The following SLC16A12 variants were observed in gnomAD, a reference collection of about 807,000 sequenced individuals.
The protein encoded by SLC16A12 is solute carrier family 16 member 12.
A neutral mutation model predicts 42.4 loss-of-function variants in SLC16A12; 17 were observed. That is an observed-to-expected ratio of 0.40 (90% CI 0.27 to 0.60). The LOEUF (loss-of-function observed/expected upper bound fraction) is 0.60, where lower values mean the gene tolerates loss of function less well. SLC16A12 is among the 20% of genes least tolerant of loss of function. The probability of loss-of-function intolerance (pLI) is 0.42; values close to 1 mark genes in which losing one functional copy is unlikely to be tolerated. For synonymous variants in SLC16A12, 224 were observed against 229.4 expected (o/e 0.98, Z 0.21); for missense variants, 544 against 623.0 (o/e 0.87, Z 1.35).
intron 2 of SLC16A12, among the ~76,000 whole-genome samples, chr10:89,490,149 A>G (rs919146420): frequency 6.6e-6 from 1 of 152,254 alleles, no homozygotes; most frequent in African/African-American, 2.4e-5. Context: ...AAATGAGTCA[A>G]AGATGGATGA....
At chr10:89,536,117 C>T (rs1843656487), upstream of SLC16A12, among the ~76,000 whole-genome samples, 1 of 152,180 alleles carries the variant, frequency 6.6e-6, no homozygotes, top group South Asian at 2.1e-4. Flanking sequence ...ACTGCCGGAC[C>T]CTCCCCGGGA....
At chr10:89,487,055 G>A (rs541306484) in intron 2 of SLC16A12, among the ~76,000 whole-genome samples, 13 of 152,138 alleles carry the variant, frequency 8.5e-5, no homozygotes, top group Non-Finnish European at 1.3e-4. Flanking sequence ...TCAAAAGGAC[G>A]ATCCCCAGCA....
At chr10:89,509,070 C>T (rs1258823083) in intron 2 of SLC16A12, among the ~76,000 whole-genome samples, 2 of 152,048 alleles carry the variant, frequency 1.3e-5, no homozygotes, top group African/African-American at 4.8e-5. Context: ...CTAAATAGAC[C>T]AATAACAGGC....
chr10:89,435,888 AC>A (rs1413792921), intron 7 of SLC16A12, among the ~76,000 whole-genome samples, 171 bp downstream of exon 7: 1 of 152,298 alleles, frequency 6.6e-6, no homozygotes, highest in East Asian at 1.9e-4. Flanking sequence ...AGATTATAAA[AC>A]AAGGATGTAG....
At chr10:89,500,255 A>G (rs1842975346) in intron 2 of SLC16A12, among the ~76,000 whole-genome samples, 1 of 152,196 alleles carries the variant, frequency 6.6e-6, no homozygotes, top group African/African-American at 2.4e-5. Flanking sequence ...ATTCCACAAG[A>G]TAGAGAAATA....
chr10:89,473,341 G>A (rs114749365), intron 2 of SLC16A12, among the ~76,000 whole-genome samples: 127 of 152,260 alleles, frequency 8.3e-4, no homozygotes, highest in African/African-American at 2.9e-3. Flanking sequence ...TTCAGATACA[G>A]ACCTACACAT....
chr10:89,488,247 G>C (rs1466317875), intron 2 of SLC16A12, among the ~76,000 whole-genome samples: 1 of 151,784 alleles, frequency 6.6e-6, no homozygotes, highest in Non-Finnish European at 1.5e-5. Context: ...TTTTTTAAAA[G>C]ATCCATCAAA....
intron 2 of SLC16A12, among the ~76,000 whole-genome samples, chr10:89,482,092 A>G (rs1842673305): frequency 6.6e-6 from 1 of 152,180 alleles, no homozygotes; most frequent in African/African-American, 2.4e-5. Flanking sequence ...ATTTCGAAAA[A>G]TAATTAATCA....
At chr10:89,487,646 CAAAA>C (rs761297191) in intron 2 of SLC16A12, among the ~76,000 whole-genome samples, 1 of 106,354 alleles carries the variant, frequency 9.4e-6, no homozygotes, top group Non-Finnish European at 2.1e-5. Context: ...ACTAAAAATA[CAAAA>C]AAAAAAAAAA....
rs551543307 is a variant in SLC16A12, at chr10:89,469,956, G to A, written c.-46-7332C>T. 3.2e-4 allele frequency among the ~76,000 whole-genome samples: 49 copies of A among 152,296 alleles called. 1 individual carries two copies. Among genetic ancestry groups the A allele is most frequent in the African/African-American group, 9.9e-4 (41 of 41,554 alleles). ...CTCTTTGTTATTGCTTAAGAATCAT[G>A]AAATTTGCCAGTCTCCTTTTTTTAG... On this transcript the variant is annotated intron_variant, in intron 2 of 7. Coordinates refer to ENST00000371790, the MANE Select transcript of SLC16A12 (RefSeq NM_213606.4).
chr10:89,518,188 C>G (rs1312094718), intron 2 of SLC16A12, among the ~76,000 whole-genome samples: 1 of 152,250 alleles, frequency 6.6e-6, no homozygotes, highest in Non-Finnish European at 1.5e-5. Context: ...TGGTAAGGAG[C>G]TCTGTTCTCT....
At chr10:89,526,027 G>C (rs920438364) in intron 2 of SLC16A12, among the ~76,000 whole-genome samples, 1 of 152,168 alleles carries the variant, frequency 6.6e-6, no homozygotes, top group East Asian at 1.9e-4. Context: ...CAACCTGCAT[G>C]TAGAAGGGGC....
chr10:89,522,513 G>T (rs1353721792), intron 2 of SLC16A12, among the ~76,000 whole-genome samples: 1 of 152,204 alleles, frequency 6.6e-6, no homozygotes, highest in Non-Finnish European at 1.5e-5. Flanking sequence ...AGTTTTACTA[G>T]AGGAAATCTC....
At chr10:89,444,330 T>C (rs577037025) in intron 3 of SLC16A12, among the ~76,000 whole-genome samples, 5 of 152,154 alleles carry the variant, frequency 3.3e-5, no homozygotes, top group African/African-American at 9.7e-5. Context: ...TAAAATTATA[T>C]ATATGTGTAT....
chr10:89,430,421 TTAGA>T lies in SLC16A12; in HGVS notation c.*2639_*2642del. 2 of 293,050 alleles carry T rather than the reference TTAGA, an allele frequency of 6.8e-6. No homozygotes were observed. The highest frequency in any genetic ancestry group is 1.3e-5 in the Non-Finnish European group (2 of 150,110). 18.2% of individuals were successfully genotyped at this position (293,050 alleles called of 1,614,324 possible). On this transcript the variant is annotated 3_prime_UTR_variant, in exon 8 of 8. Transcript: ENST00000371790. ...CCAATCATACAGTGTATCTACAAAG[TTAGA>T]TAATGTCTTCTGATTTTCTACTCAG... is the stretch of plus-strand genomic sequence containing the variant.
chr10:89,497,346 G>A (rs77031078), intron 2 of SLC16A12, among the ~76,000 whole-genome samples: 5,892 of 152,104 alleles, frequency 0.039, 379 homozygotes, highest in African/African-American at 0.13. Flanking sequence ...AAAAAATACA[G>A]GTAGAAACAA....
intron 3 of SLC16A12, among the ~76,000 whole-genome samples, chr10:89,459,905 C>T (rs533164050): frequency 6.6e-6 from 1 of 152,234 alleles, no homozygotes; most frequent in Non-Finnish European, 1.5e-5. Context: ...CACGCCACTG[C>T]ACTTCCGCCT....
In SLC16A12 at chr10:89,439,072, G is replaced by T; in HGVS notation, c.560C>A (p.Thr187Asn). 3.1e-6 allele frequency: 5 copies of T among 1,613,388 alleles called. No homozygotes were observed. The highest frequency in any genetic ancestry group is 4.2e-6 in the Non-Finnish European group (5 of 1,179,658). The change falls in exon 6 of 8, where the codon ACC becomes AAC. Residue 187 changes from threonine to asparagine, a missense_variant. Coordinates refer to ENST00000371790, the MANE Select transcript of SLC16A12 (RefSeq NM_213606.4). ...CTGAACCACAGGAGCCAGGATGAAG[G>T]TGCCAATGCCACTTCCTGACATGGC... is the stretch of plus-strand genomic sequence containing the variant. ...GIAMSGSGIG[T>N]FILAPVVQLL...
chr10:89,533,486 A>T lies in SLC16A12; in HGVS notation c.-47+1015T>A, dbSNP rs149429681. 2.9e-3 allele frequency among the ~76,000 whole-genome samples: 434 copies of T among 152,086 alleles called. 1 individual carries two copies. The highest frequency in any genetic ancestry group is 4.6e-3 in the Non-Finnish European group (314 of 67,976). On this transcript the variant is annotated intron_variant, in intron 2 of 7. Coordinates refer to ENST00000371790, the MANE Select transcript of SLC16A12 (RefSeq NM_213606.4). Reference sequence around the variant, plus strand: ...GCAATGTTAAATAAGTCACTTTGAAACTCCTTTCTTAGCTTTGTTTTGGTC... The same window carrying T: ...GCAATGTTAAATAAGTCACTTTGAATCTCCTTTCTTAGCTTTGTTTTGGTC...
Sources: gnomAD v4.1 joint callset for allele counts (sites outside exome capture counted in the v4.1 genomes callset) on GRCh38, gnomAD v4.1.1 for gene constraint, MANE v1.5 for transcripts, NCBI Gene and HGNC (gene_info 2026-07-23, HGNC 2026-07-21) for gene names.